Variants in GPHN observed in about 807,000 individuals in gnomAD.
The protein encoded by GPHN is gephyrin.
In GPHN, 17 loss-of-function variants were observed where a neutral mutation model predicts 95.5. The observed-to-expected ratio is 0.18, with a 90% CI of 0.12 to 0.27. The LOEUF (loss-of-function observed/expected upper bound fraction) is 0.27, where lower values mean the gene tolerates loss of function less well. GPHN is among the 10% of genes least tolerant of loss of function. GPHN has a pLI of 1.00. For missense variants in GPHN, 660 were observed against 978.1 expected (o/e 0.67, Z 4.34); for synonymous variants, 320 against 322.5 (o/e 0.99, Z 0.08).
the GPHN span, chr14:67,653,314 T>A: frequency 1.1e-5 from 8 of 716,258 alleles, no homozygotes; most frequent in African/African-American, 1.4e-4. Context: ...TGGTACTGAG[T>A]ATACAGGGAC....
the GPHN span, among the ~76,000 whole-genome samples, chr14:67,675,361 G>A: frequency 6.6e-6 from 1 of 152,044 alleles, no homozygotes; most frequent in African/African-American, 2.4e-5. Flanking sequence ...AATAAGAACC[G>A]GGCATGGTGG....
At chr14:66,767,351 C>CT (rs1428357214) in intron 2 of GPHN, among the ~76,000 whole-genome samples, 1 of 150,296 alleles carries the variant, frequency 6.7e-6, no homozygotes, top group Non-Finnish European at 1.5e-5. Context: ...TTCCCTGGTA[C>CT]TTTTTCAGTT....
intron 11 of GPHN, among the ~76,000 whole-genome samples, chr14:67,070,384 A>G (rs1305572406): frequency 4.7e-5 from 7 of 148,702 alleles, no homozygotes. Flanking sequence ...GTAACTAATC[A>G]TGGTATCTTC....
chr14:67,511,057 G>C, the GPHN span, among the ~76,000 whole-genome samples: 1 of 152,148 alleles, frequency 6.6e-6, no homozygotes, highest in African/African-American at 2.4e-5. Context: ...TGATGTCAAG[G>C]CCTTACTAAA....
chr14:67,683,706 G>T, the GPHN span, among the ~76,000 whole-genome samples: 1 of 152,154 alleles, frequency 6.6e-6, no homozygotes, highest in East Asian at 1.9e-4. Context: ...AAAGATAGCT[G>T]GCATTCGCTC....
chr14:66,998,802 G>A (rs1283123195), intron 9 of GPHN, among the ~76,000 whole-genome samples: 1 of 150,874 alleles, frequency 6.6e-6, no homozygotes, highest in Non-Finnish European at 1.5e-5. Context: ...GAGTTGTATA[G>A]GAACAAGATT....
chr14:66,928,831 G>GT (rs1041208864), intron 8 of GPHN, among the ~76,000 whole-genome samples: 3 of 151,888 alleles, frequency 2.0e-5, no homozygotes, highest in South Asian at 2.1e-4. Flanking sequence ...CATTTCCAAA[G>GT]TTTTTTTTAT....
intron 1 of GPHN, among the ~76,000 whole-genome samples, chr14:66,559,263 A>T (rs1275920114): frequency 6.6e-6 from 1 of 151,540 alleles, no homozygotes; most frequent in Non-Finnish European, 1.5e-5. Flanking sequence ...CAGTAATGGG[A>T]TGGCTGGGTC....
the GPHN span, chr14:67,642,408 C>T: frequency 1.9e-6 from 3 of 1,590,912 alleles, no homozygotes; most frequent in Non-Finnish European, 2.6e-6. Flanking sequence ...TTACATGGTG[C>T]TTGGGGCTCA....
chr14:67,099,828 G>A (rs939069042), intron 12 of GPHN, among the ~76,000 whole-genome samples: 59 of 152,104 alleles, frequency 3.9e-4, no homozygotes, highest in African/African-American at 1.3e-3. Context: ...GATTATAAAT[G>A]TAATCTAAAT....
At chr14:67,672,447 C>CTTTTTTTTTTTT in the GPHN span, among the ~76,000 whole-genome samples, 4 of 116,844 alleles carry the variant, frequency 3.4e-5, no homozygotes, top group Non-Finnish European at 5.0e-5. Flanking sequence ...CTTTTCTTTT[C>CTTTTTTTTTTTT]TTTTTTTTTT....
chr14:66,517,464 A>G lies in GPHN; in HGVS notation c.64+8873A>G, dbSNP rs572676649. On this transcript the variant is annotated intron_variant, in intron 1 of 22. Coordinates refer to ENST00000478722, the MANE Select transcript of GPHN (RefSeq NM_020806.5). ...AAAGTTAAAATTTGTATGGAACCAT[A>G]AAGGACCTGGAATAGCCAAAGCAAT... 2.0e-3 allele frequency among the ~76,000 whole-genome samples: 307 copies of G among 152,340 alleles called. 2 individuals carry two copies. The highest frequency in any genetic ancestry group is 7.2e-3 in the African/African-American group (298 of 41,578).
intron 2 of GPHN, among the ~76,000 whole-genome samples, chr14:66,749,779 T>A (rs1371054207): frequency 6.6e-6 from 1 of 151,906 alleles, no homozygotes; most frequent in East Asian, 1.9e-4. Context: ...AAATATTTTC[T>A]TCCAGTCTGT....
the GPHN span, among the ~76,000 whole-genome samples, chr14:67,688,927 C>CT: frequency 1.3e-5 from 2 of 152,188 alleles, no homozygotes; most frequent in African/African-American, 4.8e-5. Context: ...ACAACATGGG[C>CT]ACTGAATACG....
At chr14:66,855,508 AATTC>A (rs1166288185) in intron 4 of GPHN, among the ~76,000 whole-genome samples, 3 of 152,124 alleles carry the variant, frequency 2.0e-5, no homozygotes, top group Non-Finnish European at 4.4e-5. Context: ...GTAATACCAC[AATTC>A]ATTTATCCGT....
chr14:66,810,457 A>C (rs976839794), intron 3 of GPHN, among the ~76,000 whole-genome samples: 11 of 151,958 alleles, frequency 7.2e-5, no homozygotes, highest in African/African-American at 2.6e-4. Context: ...TATATTCATC[A>C]TGGAAAAAAA....
At chr14:67,722,362 C>T in the GPHN span, 1 of 538,578 alleles carries the variant, frequency 1.9e-6, no homozygotes, top group East Asian at 3.3e-5. Flanking sequence ...AGTTTCCCCA[C>T]ATTCTCTTTG....
At chr14:67,588,200 A>G in the GPHN span, 1 of 152,632 alleles carries the variant, frequency 6.6e-6, no homozygotes, top group South Asian at 2.1e-4. Flanking sequence ...AGGTAGGTCC[A>G]ATCTGACCCC....
At chr14:66,707,699 G>A (rs574977494) in intron 2 of GPHN, among the ~76,000 whole-genome samples, 2 of 151,974 alleles carry the variant, frequency 1.3e-5, no homozygotes, top group Non-Finnish European at 2.9e-5. Flanking sequence ...CTTAAAGGAT[G>A]GGTCAATAGG....
Sources: allele counts gnomAD v4.1 joint callset (sites outside exome capture counted in the v4.1 genomes callset), GRCh38; gene constraint gnomAD v4.1.1; transcripts MANE v1.5; gene names NCBI Gene and HGNC (gene_info 2026-07-23, HGNC 2026-07-21).